FNBP1L: variants seen among roughly 807,000 people sequenced by gnomAD.
FNBP1L encodes the protein formin-binding protein 1-like.
A neutral mutation model predicts 91.2 loss-of-function variants in FNBP1L; 36 were observed. The observed-to-expected ratio is 0.39, with a 90% confidence interval of 0.30 to 0.52. The LOEUF is 0.52. FNBP1L is among the 20% of genes least tolerant of loss of function. The pLI is 0.66. For missense variants in FNBP1L, 571 were observed against 732.1 expected, an observed-to-expected ratio of 0.78 and a Z score of 2.54; for synonymous variants, 242 against 237.0, an observed-to-expected ratio of 1.02 and a Z score of -0.19.
intron 1 of FNBP1L, among the ~76,000 whole-genome samples, chr1:93,492,942 A>G (rs1670143448): frequency 6.6e-6 from 1 of 152,164 alleles, no homozygotes; most frequent in South Asian, 2.1e-4. Context: ...GAAAGATATA[A>G]TGTCTATATA....
chr1:93,472,932 A>G (rs1220923243), intron 1 of FNBP1L, among the ~76,000 whole-genome samples: 1 of 151,316 alleles, frequency 6.6e-6, no homozygotes, highest in Non-Finnish European at 1.5e-5. Context: ...GGACTCATGG[A>G]AGAAATTACT....
chr1:93,494,028 C>T (rs971171149), intron 1 of FNBP1L, among the ~76,000 whole-genome samples: 6 of 152,068 alleles, frequency 3.9e-5, no homozygotes, highest in African/African-American at 1.4e-4. Context: ...CAGATCCTAC[C>T]GTTCAAGGGT....
chr1:93,496,745 G>A (rs1670274947), intron 1 of FNBP1L, among the ~76,000 whole-genome samples: 1 of 152,062 alleles, frequency 6.6e-6, no homozygotes, highest in Non-Finnish European at 1.5e-5. Context: ...TGCCCAGGCT[G>A]ATCTCGAACT....
chr1:93,514,414 CTACTT>C (rs201192385), intron 2 of FNBP1L, among the ~76,000 whole-genome samples: 62,057 of 142,918 alleles, frequency 0.43, 14,847 homozygotes, highest in Non-Finnish European at 0.56. Context: ...TTGGAAAAAA[CTACTT>C]TAAAGTTCAT....
At position 93,456,279 on chromosome 1, in the gene FNBP1L, A is replaced by G. The variant is rs549068375; in HGVS notation, c.24+7974A>G. Among the ~76,000 whole-genome samples the G allele has an allele frequency of 7.2e-5, 11 of 152,322 alleles. No individual in the cohort carries two copies. The East Asian group carries it at 2.1e-3, about 29-fold the overall frequency. ...GGGGCATTTTTTCCTTAAGTTCTTG[A>G]TAAATAACTAATCAGCAGACTTTAC... On this transcript the variant is annotated intron_variant, in intron 1 of 16. Transcript: ENST00000271234.
intron 1 of FNBP1L, among the ~76,000 whole-genome samples, chr1:93,482,329 AT>A (rs1669738535): frequency 6.6e-6 from 1 of 152,106 alleles, no homozygotes; most frequent in Non-Finnish European, 1.5e-5. Context: ...TAAACATATG[AT>A]TTATTTCACA....
chr1:93,462,896 T>C (rs1668921945), intron 1 of FNBP1L, among the ~76,000 whole-genome samples: 2 of 152,140 alleles, frequency 1.3e-5, no homozygotes, highest in South Asian at 4.1e-4. Context: ...AGGGGAGTTA[T>C]GCTCCCCTCC....
intron 1 of FNBP1L, among the ~76,000 whole-genome samples, chr1:93,471,320 G>A (rs1182160684): frequency 6.6e-6 from 1 of 152,180 alleles, no homozygotes; most frequent in African/African-American, 2.4e-5. Flanking sequence ...TGCTCAATCT[G>A]TGGAACGTTA....
chr1:93,552,228 T>C, intron 16 of FNBP1L, 181 bp from the exon 17 acceptor site: 2 of 1,385,568 alleles, frequency 1.4e-6, no homozygotes, highest in Non-Finnish European at 1.9e-6. Flanking sequence ...GGAAGTAAAG[T>C]GTGAAGAAGC....
chr1:93,456,794 G>A (rs556315506), intron 1 of FNBP1L, among the ~76,000 whole-genome samples: 4 of 151,588 alleles, frequency 2.6e-5, no homozygotes, highest in Admixed American at 6.6e-5. Context: ...AAAAAAAATC[G>A]TTGCTTTTGG....
chr1:93,476,220 A>C (rs1468424466), intron 1 of FNBP1L, among the ~76,000 whole-genome samples: 1 of 152,226 alleles, frequency 6.6e-6, no homozygotes, highest in East Asian at 1.9e-4. Context: ...GTATTTATTC[A>C]GCTCTTAGTA....
At chr1:93,487,278 G>A (rs1669942307) in intron 1 of FNBP1L, among the ~76,000 whole-genome samples, 1 of 152,046 alleles carries the variant, frequency 6.6e-6, no homozygotes, top group Non-Finnish European at 1.5e-5. Flanking sequence ...GTAACAGTGG[G>A]TACCTGGGAT....
chr1:93,480,437 G>A (rs1669657475), intron 1 of FNBP1L, among the ~76,000 whole-genome samples: 1 of 152,090 alleles, frequency 6.6e-6, no homozygotes, highest in Admixed American at 6.6e-5. Flanking sequence ...CAACTTCATA[G>A]GGTTGTTGTG....
intron 1 of FNBP1L, among the ~76,000 whole-genome samples, chr1:93,458,136 ATT>A (rs1668735850): frequency 6.6e-6 from 1 of 151,296 alleles, no homozygotes; most frequent in African/African-American, 2.4e-5. Flanking sequence ...TGCTATTTTG[ATT>A]TCTAAGAGCT....
rs146765254 is a variant in FNBP1L at position 93,487,916 on chromosome 1, T to A, written c.25-11552T>A. Among the ~76,000 whole-genome samples the A allele has an allele frequency of 5.2e-3, 797 of 152,314 alleles. 10 individuals carry two copies. The highest frequency in any genetic ancestry group is 0.018 in the African/African-American group (754 of 41,580). On this transcript the variant is annotated intron_variant, in intron 1 of 16. Coordinates refer to ENST00000271234, the MANE Select transcript of FNBP1L (RefSeq NM_001164473.3). ...CTACTATTAATTCCAGACATATGTA[T>A]TTAGTTGCCTACTCAACATGTCAAC... is the stretch of plus-strand genomic sequence containing the variant.
intron 2 of FNBP1L, among the ~76,000 whole-genome samples, chr1:93,515,458 A>G (rs1348229522): frequency 1.3e-5 from 2 of 152,110 alleles, no homozygotes; most frequent in African/African-American, 4.8e-5. Context: ...ATAAAGACAC[A>G]TGCACACGTA....
intron 2 of FNBP1L, among the ~76,000 whole-genome samples, chr1:93,510,794 AC>A (rs1223869565): frequency 2.0e-5 from 3 of 152,186 alleles, no homozygotes; most frequent in Non-Finnish European, 4.4e-5. Context: ...AGGCTCAAGA[AC>A]TACGTGAAGA....
At chr1:93,534,979 G>A (rs1671797903) in intron 9 of FNBP1L, 71 bp downstream of exon 9, 6 of 1,221,014 alleles carry the variant, frequency 4.9e-6, no homozygotes, top group Non-Finnish European at 5.7e-6. Flanking sequence ...GGTATTGAAT[G>A]CAAAATGATT....
intron 14 of FNBP1L, among the ~76,000 whole-genome samples, chr1:93,548,221 T>G (rs114336866): frequency 3.6e-3 from 552 of 152,306 alleles, no homozygotes; most frequent in Non-Finnish European, 5.9e-3. Flanking sequence ...GTTTTTGTTA[T>G]TAGGTAAAAC....
Sources: allele counts gnomAD v4.1 joint callset (sites outside exome capture counted in the v4.1 genomes callset), GRCh38; gene constraint gnomAD v4.1.1; transcripts MANE v1.5; gene names NCBI Gene and HGNC (gene_info 2026-07-23, HGNC 2026-07-21).